ADGRA3: variants seen among roughly 807,000 people sequenced by gnomAD.
ADGRA3 encodes the protein G-protein coupled receptor 125.
A neutral mutation model predicts 119.8 loss-of-function variants in ADGRA3; 56 were observed. The ratio of observed to expected loss-of-function variants is 0.47; its 90% CI spans 0.38 to 0.58. The LOEUF is 0.58. ADGRA3 is among the 20% of genes least tolerant of loss of function. ADGRA3 has a pLI of 0.00. For missense variants in ADGRA3, 1,516 were observed against 1,649.0 expected (o/e 0.92, Z 1.40); for synonymous variants, 607 against 623.8 (o/e 0.97, Z 0.40).
chr4:22,474,578 A>C (rs1262873418), intron 1 of ADGRA3, among the ~76,000 whole-genome samples: 2 of 152,234 alleles, frequency 1.3e-5, no homozygotes, highest in Non-Finnish European at 2.9e-5. Context: ...GAATATCAAT[A>C]ATGAGCATCC....
chr4:22,414,375 A>G (rs139634946), intron 12 of ADGRA3: 1 of 405,968 alleles, frequency 2.5e-6, no homozygotes, highest in East Asian at 3.8e-5. Context: ...AAAAAAAATA[A>G]TAACACATAG....
rs1231154805 is a variant in ADGRA3, at chr4:22,413,725, A to G, written c.1899T>C (p.Leu633=). The G allele has an allele frequency of 6.2e-7, 1 of 1,613,846 alleles. No homozygotes were observed. Among genetic ancestry groups the G allele is most frequent in the Non-Finnish European group, 8.5e-7 (1 of 1,179,906 alleles). The change falls in exon 13 of 19, where the codon CTT becomes CTC. Residue 633 remains leucine, a synonymous_variant. Transcript: ENST00000334304. ...KRELRPTDDS[L]YKLQLIAFRN... ...GGAATGCAATGAGTTGAAGCTTGTA[A>G]AGAGAGTCATCAGTTGGTCTGAGTT...
chr4:22,459,282 T>C (rs1048578361), intron 3 of ADGRA3, among the ~76,000 whole-genome samples: 2 of 151,888 alleles, frequency 1.3e-5, no homozygotes, highest in African/African-American at 4.8e-5. Context: ...AACACATGGA[T>C]ACATAGAGGG....
chr4:22,482,249 T>C (rs963395451), intron 1 of ADGRA3, among the ~76,000 whole-genome samples: 1 of 152,138 alleles, frequency 6.6e-6, no homozygotes, highest in East Asian at 1.9e-4. Context: ...ACATAAAGTA[T>C]AAAAATCTTT....
intron 1 of ADGRA3, chr4:22,514,425 T>C (rs1015903255): frequency 2.0e-5 from 3 of 152,198 alleles, no homozygotes; most frequent in Non-Finnish European, 4.4e-5. Flanking sequence ...GAAATGAAGG[T>C]AAACAAAAGT....
intron 9 of ADGRA3, among the ~76,000 whole-genome samples, chr4:22,436,126 A>C (rs1470060692): frequency 6.6e-6 from 1 of 152,156 alleles, no homozygotes; most frequent in Non-Finnish European, 1.5e-5. Flanking sequence ...AGTGATTATA[A>C]AATGAATCCA....
intron 1 of ADGRA3, among the ~76,000 whole-genome samples, chr4:22,493,193 T>C (rs1718692757): frequency 6.6e-6 from 1 of 152,212 alleles, no homozygotes; most frequent in African/African-American, 2.4e-5. Context: ...CCCAAACTCC[T>C]GGCCTCATGA....
At chr4:22,420,231 A>G (rs1030345309) in intron 12 of ADGRA3, 1 of 152,250 alleles carries the variant, frequency 6.6e-6, no homozygotes, top group Non-Finnish European at 1.5e-5. Flanking sequence ...ACAGAAAGCT[A>G]AGTGAAAAAA....
At chr4:22,399,368 ATT>A (rs1319221509) in intron 16 of ADGRA3, among the ~76,000 whole-genome samples, 1 of 151,490 alleles carries the variant, frequency 6.6e-6, no homozygotes, top group Non-Finnish European at 1.5e-5. Flanking sequence ...AGTCAAAATT[ATT>A]TTTTTTCTAG....
chr4:22,465,174 A>G (rs987112047), intron 2 of ADGRA3, among the ~76,000 whole-genome samples: 1 of 152,190 alleles, frequency 6.6e-6, no homozygotes, highest in Non-Finnish European at 1.5e-5. Flanking sequence ...ATTGCTATCA[A>G]TTATTTAATG....
intron 10 of ADGRA3, 53 bp downstream of exon 10, chr4:22,435,258 C>T: frequency 1.4e-6 from 2 of 1,417,934 alleles, no homozygotes; most frequent in Non-Finnish European, 2.0e-6. Flanking sequence ...TGAACTCTGT[C>T]ACACTACCAT....
chr4:22,491,570 C>T (rs1718624623), intron 1 of ADGRA3, among the ~76,000 whole-genome samples: 1 of 152,144 alleles, frequency 6.6e-6, no homozygotes, highest in Non-Finnish European at 1.5e-5. Flanking sequence ...CCCACGATAT[C>T]TGGTCAAACC....
chr4:22,480,446 G>T (rs1365927833), intron 1 of ADGRA3, among the ~76,000 whole-genome samples: 1 of 152,056 alleles, frequency 6.6e-6, no homozygotes, highest in Non-Finnish European at 1.5e-5. Flanking sequence ...GGTGAAGGTG[G>T]GAGGATTGCT....
At position 22,447,498 on chromosome 4, in the gene ADGRA3, T is replaced by A. The variant is rs1163248487; in HGVS notation, c.487A>T (p.Asn163Tyr). ...CCTTGAGATAATGAAGAAAACAAAT[T>A]CCCCGAAAGGTTTCTGAAAGACAGA... ...TNLVRLNLSG[N>Y]LFSSLSQGTF... is the part of the protein sequence containing the mutation. The change falls in exon 5 of 19, where the codon AAT (asparagine) becomes TAT (tyrosine). Residue 163 changes from asparagine to tyrosine, a missense_variant. Coordinates refer to ENST00000334304, the MANE Select transcript of ADGRA3 (RefSeq NM_145290.4). The A allele has an allele frequency of 6.4e-7, 1 of 1,573,570 alleles. No homozygotes were observed. Among genetic ancestry groups the A allele is most frequent in the Non-Finnish European group, 8.6e-7 (1 of 1,159,418 alleles).
intron 16 of ADGRA3, among the ~76,000 whole-genome samples, chr4:22,395,943 C>T (rs1321358352): frequency 1.3e-5 from 2 of 152,096 alleles, no homozygotes; most frequent in Non-Finnish European, 2.9e-5. Flanking sequence ...AATAACAGAT[C>T]TCAAGGGCAC....
intron 3 of ADGRA3, among the ~76,000 whole-genome samples, chr4:22,456,444 T>G (rs904170286): frequency 1.4e-4 from 21 of 152,148 alleles, no homozygotes; most frequent in Non-Finnish European, 2.2e-4. Context: ...CTCTCTGCTC[T>G]CTCTCTCCCC....
chr4:22,488,121 A>G (rs770958566), intron 1 of ADGRA3, among the ~76,000 whole-genome samples: 2 of 152,170 alleles, frequency 1.3e-5, no homozygotes, highest in African/African-American at 2.4e-5. Flanking sequence ...GGGGTCAGCA[A>G]ACTGTAGCCT....
rs567088675 is a variant in ADGRA3 at position 22,472,620 on chromosome 4, G to C, written c.329+1152C>G. 3.3e-5 allele frequency among the ~76,000 whole-genome samples: 5 copies of C among 152,054 alleles called. No individual in the cohort carries two copies. In the South Asian group the frequency reaches 1.0e-3, roughly 32 times the overall value. Reference sequence around the variant, plus strand: ...ATCTGATCTAAATGAAAAGAACAGAGACACGCATAAAGAAATGAAGAACAC... The same window carrying C: ...ATCTGATCTAAATGAAAAGAACAGACACACGCATAAAGAAATGAAGAACAC... On this transcript the variant is annotated intron_variant, in intron 2 of 18. Coordinates refer to ENST00000334304, the MANE Select transcript of ADGRA3 (RefSeq NM_145290.4).
intron 6 of ADGRA3, among the ~76,000 whole-genome samples, chr4:22,444,557 C>T (rs1454824190): frequency 1.3e-5 from 2 of 152,076 alleles, no homozygotes; most frequent in Non-Finnish European, 1.5e-5. Flanking sequence ...AGCCACCGCG[C>T]CCTGCCTGTA....
Sources: gnomAD v4.1 joint callset for allele counts (sites outside exome capture counted in the v4.1 genomes callset) on GRCh38, gnomAD v4.1.1 for gene constraint, MANE v1.5 for transcripts, NCBI Gene and HGNC (gene_info 2026-07-23, HGNC 2026-07-21) for gene names.